The following KIF26B variants were observed in gnomAD, a reference collection of about 807,000 sequenced individuals.
KIF26B encodes kinesin family member 26B, also known as kinesin-like protein KIF26B.
KIF26B carries 63 observed loss-of-function variants against 151.2 expected under a neutral mutation model. That is an observed-to-expected ratio of 0.42 (90% CI 0.34 to 0.51). The LOEUF is 0.51. KIF26B is among the 20% of genes least tolerant of loss of function. The probability of loss-of-function intolerance (pLI) is 0.07; values close to 1 mark genes in which losing one functional copy is unlikely to be tolerated. For synonymous variants in KIF26B, 1,357 were observed against 1,262.1 expected (o/e 1.08, Z -1.59); for missense variants, 2,813 against 2,913.6 (o/e 0.97, Z 0.79).
chr1:245,465,913 T>A (rs1024630980), intron 4 of KIF26B, among the ~76,000 whole-genome samples: 3 of 152,170 alleles, frequency 2.0e-5, no homozygotes, highest in African/African-American at 7.2e-5. Context: ...GCTGAGCCCA[T>A]CCTGAAGCCA....
intron 2 of KIF26B, among the ~76,000 whole-genome samples, chr1:245,328,713 C>G (rs888597479): frequency 2.6e-5 from 4 of 152,184 alleles, no homozygotes; most frequent in African/African-American, 9.7e-5. Context: ...GGCACTGTGA[C>G]CGCCCTCCTG....
intron 3 of KIF26B, among the ~76,000 whole-genome samples, chr1:245,381,949 A>G (rs1458276244): frequency 6.6e-6 from 1 of 152,166 alleles, no homozygotes; most frequent in African/African-American, 2.4e-5. Context: ...GTATGTATAT[A>G]CCACATTTTG....
At chr1:245,584,941 G>C (rs2103131801) in intron 5 of KIF26B, among the ~76,000 whole-genome samples, 1 of 152,230 alleles carries the variant, frequency 6.6e-6, no homozygotes, top group Admixed American at 6.5e-5. Flanking sequence ...TTAGTTACTA[G>C]AATCTTTTAA....
chr1:245,442,972 TCCCTCACTGTTCACCTAGA>T (rs1659148811), intron 4 of KIF26B, among the ~76,000 whole-genome samples: 2 of 55,496 alleles, frequency 3.6e-5, no homozygotes, highest in Non-Finnish European at 6.5e-5. Flanking sequence ...AGCGGTCATC[TCCCTCACTGTTCACCTAGA>T]GCGGTCATCT....
chr1:245,687,183 C>A lies in KIF26B; in HGVS notation c.4200C>A (p.Ser1400Arg), dbSNP rs755608818. ...NITVYPCIAM[S>R]PRNIQEPEAP... is the part of the protein sequence containing the mutation. ...CAGTTTACCCCTGCATTGCCATGAG[C>A]CCCCGGAACATCCAAGAGCCGGAGG... is the stretch of plus-strand genomic sequence containing the variant. The change falls in exon 12 of 15, where the codon AGC becomes AGA. Residue 1400 changes from serine to arginine, a missense_variant. By Grantham distance (110) the Ser-to-Arg change is moderately radical. Around this residue, in one of 3 missense-constraint regions of KIF26B, gnomAD observed 2,060 missense variants for 2,088.6 expected, o/e 0.99. Coordinates refer to ENST00000407071, the MANE Select transcript of KIF26B (RefSeq NM_018012.4). This position sits in a 1 kb window ranked among gnomAD's most constrained non-coding sequence, Gnocchi z 4.9. The A allele has an allele frequency of 1.2e-6, 2 of 1,612,600 alleles. No homozygotes were observed. The highest frequency in any genetic ancestry group is 2.7e-5 in the African/African-American group (2 of 74,890).
intron 2 of KIF26B, among the ~76,000 whole-genome samples, chr1:245,343,750 T>C (rs558746268): frequency 6.6e-6 from 1 of 152,328 alleles, no homozygotes; most frequent in Admixed American, 6.5e-5. Context: ...AGATGTTGAC[T>C]TATAATTCAT....
intron 2 of KIF26B, among the ~76,000 whole-genome samples, chr1:245,183,498 C>T (rs1668942302): frequency 6.6e-6 from 1 of 152,190 alleles, no homozygotes; most frequent in South Asian, 2.1e-4. Context: ...ATTTTCCAGA[C>T]TCATTCAGGT....
chr1:245,184,050 G>GTTTTGTTTTTTTTTTTTTTTTTTTTT lies in KIF26B; in HGVS notation c.465+27371_465+27372insGTTTTTTTTTTTTTTTTTTTTTTTTT, dbSNP rs1553332273. Among the ~76,000 whole-genome samples, 40 of 19,810 alleles carry GTTTTGTTTTTTTTTTTTTTTTTTTTT rather than the reference G, an allele frequency of 2.0e-3. 3 individuals carry two copies. Among genetic ancestry groups the GTTTTGTTTTTTTTTTTTTTTTTTTTT allele is most frequent in the Admixed American group, 3.1e-3 (3 of 960 alleles). 13.0% of individuals were successfully genotyped at this position (19,810 alleles called of 152,430 possible). Reference sequence around the variant, plus strand: ...GCAACAGGTATGGGTGGGAGTTGTTGTTTTTTTTTTTTTTTTTTTGAGCTT... The same window carrying GTTTTGTTTTTTTTTTTTTTTTTTTTT: ...GCAACAGGTATGGGTGGGAGTTGTTGTTTTGTTTTTTTTTTTTTTTTTTTTTTTTTTTTTTTTTTTTTTTTGAGCTT... On this transcript the variant is annotated intron_variant, in intron 2 of 14. Coordinates refer to ENST00000407071, the MANE Select transcript of KIF26B (RefSeq NM_018012.4).
At chr1:245,329,442 C>T (rs6668595) in intron 2 of KIF26B, among the ~76,000 whole-genome samples, 42,341 of 152,116 alleles carry the variant, frequency 0.28, 9,216 homozygotes, top group African/African-American at 0.58. Flanking sequence ...CCACCCTCAT[C>T]GCCACTATCT....
chr1:245,475,612 A>G (rs1572081285), intron 4 of KIF26B, among the ~76,000 whole-genome samples: 1 of 152,070 alleles, frequency 6.6e-6, no homozygotes, highest in East Asian at 1.9e-4. Flanking sequence ...TTCTCCAATC[A>G]TATACCGGTG....
At chr1:245,471,600 A>G (rs1334575765) in intron 4 of KIF26B, among the ~76,000 whole-genome samples, 2 of 152,182 alleles carry the variant, frequency 1.3e-5, no homozygotes, top group African/African-American at 4.8e-5. Flanking sequence ...TATTAAATTA[A>G]TAAAAACGTA....
rs182167022 is a variant in KIF26B, at chr1:245,686,320, G to A, written c.3337G>A (p.Val1113Met). 387 of 1,613,192 alleles carry A rather than the reference G, an allele frequency of 2.4e-4. 2 individuals carry two copies. In the South Asian group the frequency reaches 2.6e-3, roughly 11 times the overall value. ...GCCTCCCTCGAGCAAGGATTCCGGCGTGGCGTCTAGGGAGTCCTTGCTGCA... is the reference window on the plus strand; with the variant it reads ...GCCTCCCTCGAGCAAGGATTCCGGCATGGCGTCTAGGGAGTCCTTGCTGCA... ...PLPPSSKDSG[V>M]ASRESLLQPE... Residue 1113 changes from valine to methionine, a missense_variant, in exon 12 of 15, where the codon GTG becomes ATG. By Grantham distance (21) the Val-to-Met change is conservative. This residue lies in a region of KIF26B where 2,060 missense variants were observed against 2,088.6 expected (regional missense o/e 0.99). Transcript: ENST00000407071. This position sits in a 1 kb window ranked among gnomAD's most constrained non-coding sequence, Gnocchi z 5.6.
intron 9 of KIF26B, among the ~76,000 whole-genome samples, chr1:245,633,525 C>T (rs2043803859): frequency 6.6e-6 from 1 of 151,916 alleles, no homozygotes; most frequent in Non-Finnish European, 1.5e-5. Context: ...TGTATCTGCT[C>T]TCCCAGTGAG....
intron 2 of KIF26B, among the ~76,000 whole-genome samples, chr1:245,172,259 G>T (rs7512255): frequency 4.0e-4 from 60 of 151,882 alleles, no homozygotes; most frequent in African/African-American, 1.3e-3. Flanking sequence ...TGCAGAGTTA[G>T]GACACTTGGG....
intron 4 of KIF26B, among the ~76,000 whole-genome samples, chr1:245,478,702 A>T (rs962310926): frequency 6.6e-6 from 1 of 151,734 alleles, no homozygotes; most frequent in East Asian, 1.9e-4. Flanking sequence ...GGCGTGAGCC[A>T]CCGCGCCCGG....
intron 4 of KIF26B, among the ~76,000 whole-genome samples, chr1:245,470,928 A>G (rs1324383647): frequency 1.3e-5 from 2 of 152,036 alleles, no homozygotes; most frequent in African/African-American, 2.4e-5. Flanking sequence ...ATAGGTATAT[A>G]GTATATATTT....
intron 12 of KIF26B, among the ~76,000 whole-genome samples, chr1:245,693,896 A>G (rs985773906): frequency 1.3e-5 from 2 of 152,244 alleles, no homozygotes; most frequent in African/African-American, 4.8e-5. Flanking sequence ...TTCTAAGCGA[A>G]CCAACCTAGA....
intron 2 of KIF26B, among the ~76,000 whole-genome samples, chr1:245,186,562 AGGTGAG>A (rs1669004362): frequency 6.6e-6 from 1 of 152,174 alleles, no homozygotes; most frequent in Non-Finnish European, 1.5e-5. Context: ...TAGGAGTCAA[AGGTGAG>A]AGGTCATGAC....
At chr1:245,475,151 C>G (rs955874383) in intron 4 of KIF26B, among the ~76,000 whole-genome samples, 2 of 151,874 alleles carry the variant, frequency 1.3e-5, no homozygotes, top group Admixed American at 6.6e-5. Context: ...TTATCACTCA[C>G]TGACAATCTT....
Sources: allele counts gnomAD v4.1 joint callset (sites outside exome capture counted in the v4.1 genomes callset), GRCh38; gene constraint gnomAD v4.1.1; regional missense constraint gnomAD v4.1.1; non-coding constraint Gnocchi (gnomAD v3.1); transcripts MANE v1.5; gene names NCBI Gene and HGNC (gene_info 2026-07-23, HGNC 2026-07-21).